LKAAEAR1: variants seen among roughly 807,000 people sequenced by gnomAD.
The protein encoded by LKAAEAR1 is protein LKAAEAR1.
Under a neutral mutation model 16.5 loss-of-function variants are expected in LKAAEAR1, and 19 were observed. The ratio of observed to expected loss-of-function variants is 1.15; its 90% CI spans 0.80 to 1.69. LKAAEAR1 has a LOEUF of 1.69. LKAAEAR1 is among the 40% of genes most tolerant of loss of function. The pLI is 0.00. For missense variants in LKAAEAR1, 304 were observed against 315.8 expected (o/e 0.96, Z 0.28); for synonymous variants, 124 against 152.7 (o/e 0.81, Z 1.39).
chr20:64,084,275 G>C lies in LKAAEAR1; in HGVS notation c.-56C>G. Reference sequence around the variant, plus strand: ...CCGTCGGTGCCGGGGCTGGCACCGGGCCCTGCCCGCCCCTCGGCAGGGCCC... The same window carrying C: ...CCGTCGGTGCCGGGGCTGGCACCGGCCCCTGCCCGCCCCTCGGCAGGGCCC... On this transcript the variant is annotated 5_prime_UTR_variant, in exon 1 of 3. Coordinates refer to ENST00000302096, the MANE Select transcript of LKAAEAR1 (RefSeq NM_001353425.2). The C allele has an allele frequency of 2.3e-6, 3 of 1,316,760 alleles. No individual in the cohort carries two copies. The highest frequency in any genetic ancestry group is 1.9e-6 in the Non-Finnish European group (2 of 1,036,852). The allele number at this position is 1,316,760 out of a possible 1,614,324, so 81.6% of individuals were successfully genotyped here. A position where few individuals can be genotyped will look rare whatever the true frequency, so the allele number is the denominator to read the frequency against.
chr20:64,084,083 AG>A lies in LKAAEAR1; in HGVS notation c.136del (p.Leu46Ter). On this transcript the variant is annotated frameshift_variant, in exon 1 of 3. Transcript: ENST00000302096. LOFTEE classifies it high-confidence loss of function. ...CATGGCCGCCAGTCCCTGCGGCGTC[AG>A]GGCCCAGCCCGGCTTGGGGGGCTCT... ...ATEPPKPGWA[L>X]TPQGLAAMLP... 1 of 1,491,256 alleles carries A rather than the reference AG, an allele frequency of 6.7e-7. No individual in the cohort carries two copies. Among genetic ancestry groups the A allele is most frequent in the Non-Finnish European group, 8.9e-7 (1 of 1,129,708 alleles). 92.4% of individuals were successfully genotyped at this position (1,491,256 alleles called of 1,614,324 possible).
rs2059993940 is a variant in LKAAEAR1, at chr20:64,083,524, T to G, written c.526-30A>C. 6.4e-7 allele frequency: 1 copy of G among 1,567,922 alleles called. No individual in the cohort carries two copies. On this transcript the variant is annotated intron_variant, in intron 2 of 2. Coordinates refer to ENST00000302096, the MANE Select transcript of LKAAEAR1 (RefSeq NM_001353425.2). This position sits in a 1 kb window ranked among gnomAD's most constrained non-coding sequence, Gnocchi z 4.9. ...CGGGGAGAGAGGCTGGGGTCCGGCGTGTGCGGAGGCGGGCAGGGCCCCTCC... is the reference window on the plus strand; with the variant it reads ...CGGGGAGAGAGGCTGGGGTCCGGCGGGTGCGGAGGCGGGCAGGGCCCCTCC...
Position 64,083,391 on chromosome 20 carries a change from C to T in LKAAEAR1, c.*44G>A. The T allele has an allele frequency of 1.2e-6, 2 of 1,611,230 alleles. No homozygotes were observed. Among genetic ancestry groups the T allele is most frequent in the Non-Finnish European group, 1.7e-6 (2 of 1,179,320 alleles). On this transcript the variant is annotated 3_prime_UTR_variant, in exon 3 of 3. Transcript: ENST00000302096. The surrounding 1 kb of genome is among the most constrained non-coding windows in gnomAD (Gnocchi z 4.9). ...CCAGCGAGCCTTCGGAGAATTATAA[C>T]TTTATGTGGGAGGCTGGGGCGCGTC...
In LKAAEAR1 at chr20:64,083,968, C is replaced by T. The variant is rs750558165; in HGVS notation, c.252G>A (p.Val84=). The change falls in exon 1 of 3, where the codon GTG becomes GTA. Residue 84 remains valine, a synonymous_variant. Transcript: ENST00000302096. This position sits in a 1 kb window ranked among gnomAD's most constrained non-coding sequence, Gnocchi z 4.9. ...AAASTFPCGS[V]EPGYRMPDPR... is the part of the protein sequence containing the mutation. The stretch of plus-strand genomic sequence containing the variant: ...GGTCGGGCATGCGGTACCCCGGTTC[C>T]ACCGACCCGCACGGGAAGGTGGAGG... The T allele has an allele frequency of 4.1e-6, 6 of 1,467,362 alleles. No homozygotes were observed. The highest frequency in any genetic ancestry group is 5.4e-6 in the Non-Finnish European group (6 of 1,116,986). 90.9% of individuals were successfully genotyped at this position (1,467,362 alleles called of 1,614,324 possible).
At position 64,084,319 on chromosome 20, in the gene LKAAEAR1, C is replaced by T; in HGVS notation, c.-100G>A. On this transcript the variant is annotated 5_prime_UTR_variant, in exon 1 of 3. Transcript: ENST00000302096. Reference sequence around the variant, plus strand: ...AGGGCCCCAACGTGCGCCCCAGCTCCCGCCCGCTGGGCTCTCCGCAGTCGG... The same window carrying T: ...AGGGCCCCAACGTGCGCCCCAGCTCTCGCCCGCTGGGCTCTCCGCAGTCGG... 5.4e-6 allele frequency: 7 copies of T among 1,292,196 alleles called. No homozygotes were observed. The highest frequency in any genetic ancestry group is 3.2e-5 in the East Asian group (1 of 30,802). 80.0% of individuals were successfully genotyped at this position (1,292,196 alleles called of 1,614,324 possible). A position where few individuals can be genotyped will look rare whatever the true frequency, so the allele number is the denominator to read the frequency against.
At position 64,083,491 on chromosome 20, in the gene LKAAEAR1, T is replaced by TCCGCTG. The variant is rs776432205; in HGVS notation, c.526-3_528dup (p.Arg176_Arg177insGlnArg). 6.3e-7 allele frequency: 1 copy of TCCGCTG among 1,592,220 alleles called. No homozygotes were observed. Among genetic ancestry groups the TCCGCTG allele is most frequent in the Non-Finnish European group, 8.5e-7 (1 of 1,170,700 alleles). On this transcript the variant is annotated inframe_insertion, in exon 3 of 3. Transcript: ENST00000302096. This position sits in a 1 kb window ranked among gnomAD's most constrained non-coding sequence, Gnocchi z 4.9. Reference sequence around the variant, plus strand: ...TCCTCCAGGATGGTCTCCACGCGCCTCCGCTGCCGGGGAGAGAGGCTGGGG... The same window carrying TCCGCTG: ...TCCTCCAGGATGGTCTCCACGCGCCTCCGCTGCCGCTGCCGGGGAGAGAGGCTGGGG...
In LKAAEAR1 at chr20:64,083,424, C is replaced by G. The variant is rs138907471; in HGVS notation, c.*11G>C. 270 of 1,611,754 alleles carry G rather than the reference C, an allele frequency of 1.7e-4. 1 individual carries two copies. The highest frequency in any genetic ancestry group is 2.1e-4 in the Non-Finnish European group (251 of 1,179,624). On this transcript the variant is annotated 3_prime_UTR_variant, in exon 3 of 3. Transcript: ENST00000302096. This position sits in a 1 kb window ranked among gnomAD's most constrained non-coding sequence, Gnocchi z 4.9. ...GGGAGGCTGGGGCGCGTCGCACACT[C>G]TCAGTCGCCGTCACCGCGGGAAGAT... is the stretch of plus-strand genomic sequence containing the variant.
chr20:64,083,511 C>A lies in LKAAEAR1; in HGVS notation c.526-17G>T, dbSNP rs1360691593. 1.3e-6 allele frequency: 2 copies of A among 1,580,946 alleles called. No individual in the cohort carries two copies. The highest frequency in any genetic ancestry group is 1.7e-6 in the Non-Finnish European group (2 of 1,164,682). Reference sequence around the variant, plus strand: ...GCGCCTCCGCTGCCGGGGAGAGAGGCTGGGGTCCGGCGTGTGCGGAGGCGG... The same window carrying A: ...GCGCCTCCGCTGCCGGGGAGAGAGGATGGGGTCCGGCGTGTGCGGAGGCGG... On this transcript the variant is annotated splice_polypyrimidine_tract_variant and intron_variant, in intron 2 of 2. Coordinates refer to ENST00000302096, the MANE Select transcript of LKAAEAR1 (RefSeq NM_001353425.2). This position sits in a 1 kb window ranked among gnomAD's most constrained non-coding sequence, Gnocchi z 4.9.
chr20:64,084,437 C>T (rs1442294974), upstream of LKAAEAR1: 1 of 1,204,348 alleles, frequency 8.3e-7, no homozygotes, highest in Non-Finnish European at 1.0e-6. Context: ...TCGGCTGATC[C>T]TGCTCAGTCC....
chr20:64,083,891 A>G lies in LKAAEAR1; in HGVS notation c.329T>C (p.Leu110Pro), dbSNP rs2145569664. 1 of 1,442,774 alleles carries G rather than the reference A, an allele frequency of 6.9e-7. No individual in the cohort carries two copies. The allele number at this position is 1,442,774 out of a possible 1,614,324, so 89.4% of individuals were successfully genotyped here. A position where few individuals can be genotyped will look rare whatever the true frequency, so the allele number is the denominator to read the frequency against. ...LELPAERQNR[L>P]LGVLKAAEAR... is the part of the protein sequence containing the mutation. Reference sequence around the variant, plus strand: ...CTCCGCTGCCTTGAGGACGCCGAGGAGCCGGTTCTGGCGCTCGGCGGGCAG... The same window carrying G: ...CTCCGCTGCCTTGAGGACGCCGAGGGGCCGGTTCTGGCGCTCGGCGGGCAG... The change falls in exon 1 of 3, where the codon CTC becomes CCC. Residue 110 changes from leucine (L) to proline (P), a missense_variant. Leu to Pro is a moderately conservative substitution (Grantham distance 98). Coordinates refer to ENST00000302096, the MANE Select transcript of LKAAEAR1 (RefSeq NM_001353425.2). The surrounding 1 kb of genome is among the most constrained non-coding windows in gnomAD (Gnocchi z 4.9).
At chr20:64,084,540 A>T (rs180953847), upstream of LKAAEAR1, among the ~76,000 whole-genome samples, 17 of 151,872 alleles carry the variant, frequency 1.1e-4, no homozygotes, top group African/African-American at 3.9e-4. Context: ...AAATGCTGAG[A>T]CCCCACTGGG....
In LKAAEAR1 at chr20:64,083,619, C is replaced by T; in HGVS notation, c.489G>A (p.Lys163=). 6.8e-7 allele frequency: 1 copy of T among 1,476,184 alleles called. No homozygotes were observed. Among genetic ancestry groups the T allele is most frequent in the African/African-American group, 1.5e-5 (1 of 68,910 alleles). 91.4% of individuals were successfully genotyped at this position (1,476,184 alleles called of 1,614,324 possible). A position where few individuals can be genotyped will look rare whatever the true frequency, so the allele number is the denominator to read the frequency against. The change falls in exon 2 of 3, where the codon AAG becomes AAA. Residue 163 remains lysine, a synonymous_variant. Coordinates refer to ENST00000302096, the MANE Select transcript of LKAAEAR1 (RefSeq NM_001353425.2). The surrounding 1 kb of genome is among the most constrained non-coding windows in gnomAD (Gnocchi z 4.9). The stretch of plus-strand genomic sequence containing the variant: ...CCAGGGGGTCCGGGATCCGCGCGGG[C>T]TTCAGCTGCGGCGGCAGGAACAGCT... ...RLELFLPPQL[K]PARIPDPLDR...
At position 64,083,883 on chromosome 20, in the gene LKAAEAR1, C is replaced by G; in HGVS notation, c.337G>C (p.Val113Leu). The G allele has an allele frequency of 7.0e-7, 1 of 1,438,532 alleles. No individual in the cohort carries two copies. The highest frequency in any genetic ancestry group is 9.1e-7 in the Non-Finnish European group (1 of 1,102,710). The allele number at this position is 1,438,532 out of a possible 1,614,324, so 89.1% of individuals were successfully genotyped here. ...CCGCGGGCCTCCGCTGCCTTGAGGA[C>G]GCCGAGGAGCCGGTTCTGGCGCTCG... ...PAERQNRLLG[V>L]LKAAEARGRV... Residue 113 changes from valine to leucine, a missense_variant, in exon 1 of 3, where the codon GTC (valine) becomes CTC (leucine). Physicochemically the swap from Val to Leu is conservative, Grantham distance 32 (BLOSUM62 1). Transcript: ENST00000302096. This position sits in a 1 kb window ranked among gnomAD's most constrained non-coding sequence, Gnocchi z 4.9.
chr20:64,083,801 C>T lies in LKAAEAR1; in HGVS notation c.402+17G>A. On this transcript the variant is annotated intron_variant, in intron 1 of 2. Coordinates refer to ENST00000302096, the MANE Select transcript of LKAAEAR1 (RefSeq NM_001353425.2). The surrounding 1 kb of genome is among the most constrained non-coding windows in gnomAD (Gnocchi z 4.9). The stretch of plus-strand genomic sequence containing the variant: ...CTCCCGGTGCGCCCCCTCTGCCCTC[C>T]GACCCCCTCGCCTCACCCGCATGCG... 1 of 1,342,324 alleles carries T rather than the reference C, an allele frequency of 7.4e-7. No individual in the cohort carries two copies. The highest frequency in any genetic ancestry group is 9.5e-7 in the Non-Finnish European group (1 of 1,053,162). The allele number at this position is 1,342,324 out of a possible 1,614,324, so 83.2% of individuals were successfully genotyped here.
chr20:64,084,408 G>A, upstream of LKAAEAR1: 6 of 1,268,278 alleles, frequency 4.7e-6, no homozygotes, highest in South Asian at 2.8e-5. Flanking sequence ...CCAAGCGCAC[G>A]TCCCCAGCAG....
In LKAAEAR1 at chr20:64,083,738, G is replaced by A. The variant is rs958350354; in HGVS notation, c.403-33C>T. 58 of 1,326,660 alleles carry A rather than the reference G, an allele frequency of 4.4e-5. No homozygotes were observed. The highest frequency in any genetic ancestry group is 3.2e-5 in the Non-Finnish European group (33 of 1,042,706). The allele number at this position is 1,326,660 out of a possible 1,614,324, so 82.2% of individuals were successfully genotyped here. A position where few individuals can be genotyped will look rare whatever the true frequency, so the allele number is the denominator to read the frequency against. ...GCCCGGGTAGCTGAGCGCGCGCCGA[G>A]CCCCGCCCCGCCCCGCCCCGGCCGG... On this transcript the variant is annotated intron_variant, in intron 1 of 2. Transcript: ENST00000302096. The surrounding 1 kb of genome is among the most constrained non-coding windows in gnomAD (Gnocchi z 4.9).
rs1339616580 is a variant in LKAAEAR1, at chr20:64,084,012, C to T, written c.208G>A (p.Glu70Lys). 2.0e-6 allele frequency: 3 copies of T among 1,502,864 alleles called. No homozygotes were observed. The African/African-American group carries it at 4.3e-5, about 22-fold the overall frequency. 93.1% of individuals were successfully genotyped at this position (1,502,864 alleles called of 1,614,324 possible). Residue 70 changes from glutamate to lysine, a missense_variant, in exon 1 of 3, where the codon GAG becomes AAG. Coordinates refer to ENST00000302096, the MANE Select transcript of LKAAEAR1 (RefSeq NM_001353425.2). ...HRHLLFGDLLEDVGAAASTFP... is the reference protein window; with the variant it reads ...HRHLLFGDLLKDVGAAASTFP... ...GTGGAGGCCGCCGCGCCCACGTCCT[C>T]CAGCAGGTCGCCGAAGAGCAGATGG... is the stretch of plus-strand genomic sequence containing the variant.
Position 64,083,396 on chromosome 20 carries a change from T to C in LKAAEAR1, c.*39A>G, listed in dbSNP as rs1229261373. The C allele has an allele frequency of 1.2e-6, 2 of 1,611,550 alleles. No homozygotes were observed. Among genetic ancestry groups the C allele is most frequent in the Non-Finnish European group, 8.5e-7 (1 of 1,179,458 alleles). On this transcript the variant is annotated 3_prime_UTR_variant, in exon 3 of 3. Transcript: ENST00000302096. This position sits in a 1 kb window ranked among gnomAD's most constrained non-coding sequence, Gnocchi z 4.9. Reference sequence around the variant, plus strand: ...GAGCCTTCGGAGAATTATAACTTTATGTGGGAGGCTGGGGCGCGTCGCACA... The same window carrying C: ...GAGCCTTCGGAGAATTATAACTTTACGTGGGAGGCTGGGGCGCGTCGCACA...
In LKAAEAR1 at chr20:64,084,180, G is replaced by A; in HGVS notation, c.40C>T (p.Arg14Trp). 1 of 1,447,968 alleles carries A rather than the reference G, an allele frequency of 6.9e-7. No homozygotes were observed. The highest frequency in any genetic ancestry group is 1.4e-5 in the South Asian group (1 of 73,502). The allele number at this position is 1,447,968 out of a possible 1,614,324, so 89.7% of individuals were successfully genotyped here. Reference protein sequence around the residue: ...PAKEGGRKGPRERSGKSAPGT... With the variant: ...PAKEGGRKGPWERSGKSAPGT... ...GGCGCGCTCTTCCCGCTTCGCTCCCGCGGGCCCTTGCGCCCGCCCTCCTTC... is the reference window on the plus strand; with the variant it reads ...GGCGCGCTCTTCCCGCTTCGCTCCCACGGGCCCTTGCGCCCGCCCTCCTTC... Residue 14 changes from arginine (R) to tryptophan (W), a missense_variant, in exon 1 of 3, where the codon CGG becomes TGG. Physicochemically the swap from Arg to Trp is moderately radical, Grantham distance 101 (BLOSUM62 -3). Coordinates refer to ENST00000302096, the MANE Select transcript of LKAAEAR1 (RefSeq NM_001353425.2).
Sources: gnomAD v4.1 joint callset for allele counts (sites outside exome capture counted in the v4.1 genomes callset) on GRCh38, gnomAD v4.1.1 for gene constraint, Gnocchi (gnomAD v3.1) non-coding constraint, MANE v1.5 for transcripts, NCBI Gene and HGNC (gene_info 2026-07-23, HGNC 2026-07-21) for gene names.